The following ITSN2 variants were observed in gnomAD, a reference collection of about 807,000 sequenced individuals.
ITSN2 encodes the protein intersectin 2.
A neutral mutation model predicts 243.7 loss-of-function variants in ITSN2; 156 were observed. The ratio of observed to expected loss-of-function variants is 0.64; its 90% CI spans 0.56 to 0.73. The LOEUF (loss-of-function observed/expected upper bound fraction) is 0.73. ITSN2 is among the 30% of genes least tolerant of loss of function. The pLI is 0.00. For synonymous variants in ITSN2, 703 were observed against 699.9 expected (o/e 1.00, Z -0.07); for missense variants, 1,801 against 1,996.1 (o/e 0.90, Z 1.86).
intron 20 of ITSN2, among the ~76,000 whole-genome samples, chr2:24,262,603 C>T (rs1449026325): frequency 6.6e-6 from 1 of 152,196 alleles, no homozygotes; most frequent in Non-Finnish European, 1.5e-5. Context: ...CAAGTTTCAT[C>T]ACTGGCTTTC....
At position 24,356,230 on chromosome 2, in the gene ITSN2, T is replaced by G. The variant is rs57910270; in HGVS notation, c.-34+4074A>C. Among the ~76,000 whole-genome samples the G allele has an allele frequency of 2.5e-3, 359 of 142,798 alleles. 9 individuals carry two copies. In the East Asian group the frequency reaches 0.056, roughly 22 times the overall value. 93.7% of individuals were successfully genotyped at this position (142,798 alleles called of 152,430 possible). ...AAAAAAAAAAAATAGCTGGACGTGG[T>G]GGCACATGCCTATAATCCCAGCTAC... is the stretch of plus-strand genomic sequence containing the variant. On this transcript the variant is annotated intron_variant, in intron 1 of 39. Coordinates refer to ENST00000355123, the MANE Select transcript of ITSN2 (RefSeq NM_006277.3).
At chr2:24,278,318 T>A (rs1678285159) in intron 17 of ITSN2, among the ~76,000 whole-genome samples, 1 of 152,196 alleles carries the variant, frequency 6.6e-6, no homozygotes, top group Admixed American at 6.5e-5. Flanking sequence ...GATTGCCTCC[T>A]CCACTGAAGT....
chr2:24,270,812 C>T (rs1203292480), intron 19 of ITSN2, 44 bp from the exon 20 acceptor site: 1 of 1,022,374 alleles, frequency 9.8e-7, no homozygotes, highest in Non-Finnish European at 1.5e-6. Flanking sequence ...TACATGTATA[C>T]ATCTTTGCTA....
At chr2:24,254,772 G>A (rs1674800186) in intron 23 of ITSN2, among the ~76,000 whole-genome samples, 1 of 151,850 alleles carries the variant, frequency 6.6e-6, no homozygotes, top group African/African-American at 2.4e-5. Context: ...TTTAGTGTAG[G>A]AAAAAATAAA....
At chr2:24,220,789 G>A in intron 30 of ITSN2, 156 bp downstream of exon 30, 1 of 1,425,310 alleles carries the variant, frequency 7.0e-7, no homozygotes, top group East Asian at 2.7e-5. Flanking sequence ...ACAGCATTTG[G>A]AGGATGTGAG....
intron 1 of ITSN2, among the ~76,000 whole-genome samples, chr2:24,330,070 C>T (rs1403788215): frequency 1.3e-5 from 2 of 152,144 alleles, no homozygotes; most frequent in Non-Finnish European, 2.9e-5. Context: ...CATTTTAAAA[C>T]ATGGGAGAAA....
intron 20 of ITSN2, among the ~76,000 whole-genome samples, chr2:24,262,351 C>A (rs1159714481): frequency 6.6e-6 from 1 of 152,120 alleles, no homozygotes; most frequent in Non-Finnish European, 1.5e-5. Context: ...CTCCTATAAT[C>A]ATTACTTTTT....
intron 22 of ITSN2, among the ~76,000 whole-genome samples, chr2:24,259,824 CT>C (rs1181528463): frequency 1.3e-5 from 2 of 152,096 alleles, no homozygotes; most frequent in Non-Finnish European, 2.9e-5. Flanking sequence ...CCCTACAGAC[CT>C]TGTAGATATC....
intron 24 of ITSN2, 69 bp downstream of exon 24, chr2:24,254,298 T>C (rs147997132): frequency 5.0e-6 from 5 of 996,824 alleles, no homozygotes; most frequent in East Asian, 4.8e-5. Context: ...ACAGCAACTA[T>C]GTGAAGTCAG....
Position 24,252,459 on chromosome 2 carries a change from G to A in ITSN2, c.3006C>T (p.Phe1002=). Residue 1002 remains phenylalanine, a synonymous_variant, in exon 25 of 40, where the codon TTC becomes TTT. Transcript: ENST00000355123. ...TCACCAATATTTCTTCACCTTCTGT[G>A]AAAGTCAAATCTCCAGGTTCCACAC... ...YSSVEPGDLT[F]TEGEEILVTQ... The A allele has an allele frequency of 6.2e-7, 1 of 1,612,628 alleles. No individual in the cohort carries two copies. Among genetic ancestry groups the A allele is most frequent in the Non-Finnish European group, 8.5e-7 (1 of 1,178,870 alleles).
intron 17 of ITSN2, among the ~76,000 whole-genome samples, chr2:24,282,588 C>T (rs778701698): frequency 2.6e-5 from 4 of 152,144 alleles, no homozygotes; most frequent in African/African-American, 4.8e-5. Context: ...ACTAAAAGAG[C>T]ACTCTGTAAC....
Position 24,257,752 on chromosome 2 carries a change from C to T in ITSN2, c.2888+136G>A, listed in dbSNP as rs757191185. 34 of 723,574 alleles carry T rather than the reference C, an allele frequency of 4.7e-5. No individual in the cohort carries two copies. In the Middle Eastern group the frequency reaches 1.1e-3, roughly 24 times the overall value. The allele number at this position is 723,574 out of a possible 1,614,324, so 44.8% of individuals were successfully genotyped here. A position where few individuals can be genotyped will look rare whatever the true frequency, so the allele number is the denominator to read the frequency against. ...GATTACAGGTGTGAGCCACCACGGC[C>T]GGCCAGAATTACCTTTCTGATATTC... On this transcript the variant is annotated intron_variant, in intron 23 of 39. Coordinates refer to ENST00000355123, the MANE Select transcript of ITSN2 (RefSeq NM_006277.3).
chr2:24,301,909 A>G, intron 10 of ITSN2, 56 bp downstream of exon 10: 1 of 1,504,764 alleles, frequency 6.6e-7, no homozygotes, highest in Non-Finnish European at 9.0e-7. Flanking sequence ...ACTCTCTTCT[A>G]AATCACATCT....
intron 2 of ITSN2, among the ~76,000 whole-genome samples, chr2:24,316,982 A>T (rs1382207278): frequency 6.6e-6 from 1 of 152,242 alleles, no homozygotes; most frequent in Non-Finnish European, 1.5e-5. Flanking sequence ...GTCAACTTGA[A>T]TTCCACAAGG....
At chr2:24,343,418 T>C (rs967589641) in intron 1 of ITSN2, among the ~76,000 whole-genome samples, 3 of 152,114 alleles carry the variant, frequency 2.0e-5, no homozygotes, top group Admixed American at 2.0e-4. Context: ...GAATAAGTAA[T>C]CTTCTATTTT....
At chr2:24,212,590 T>G (rs1377446955) in intron 33 of ITSN2, 60 bp downstream of exon 33, 1 of 1,348,514 alleles carries the variant, frequency 7.4e-7, no homozygotes, top group Non-Finnish European at 1.0e-6. Flanking sequence ...ATCTGGCCTC[T>G]GTGGACCTCA....
intron 8 of ITSN2, among the ~76,000 whole-genome samples, chr2:24,305,331 G>A (rs1441329399): frequency 2.0e-5 from 3 of 152,144 alleles, no homozygotes; most frequent in Non-Finnish European, 4.4e-5. Context: ...GACAGGCGCG[G>A]TAGCTCACGT....
chr2:24,301,107 T>A, intron 11 of ITSN2, 47 bp downstream of exon 11: 1 of 1,012,582 alleles, frequency 9.9e-7, no homozygotes, highest in Non-Finnish European at 1.5e-6. Flanking sequence ...AAAGGTAGAA[T>A]TTAAAAGAAC....
Position 24,310,405 on chromosome 2 carries a change from T to C in ITSN2, c.557-25A>G, listed in dbSNP as rs140888598. The C allele has an allele frequency of 4.5e-5, 72 of 1,609,208 alleles. No homozygotes were observed. The Admixed American group carries it at 1.2e-3, about 26-fold the overall frequency. On this transcript the variant is annotated intron_variant, in intron 6 of 39. Coordinates refer to ENST00000355123, the MANE Select transcript of ITSN2 (RefSeq NM_006277.3). ...GCTAAAAAAGAAAAAGAAGGAAAAGTATGAAAGAAATTTGTATCTGTTCAA... is the reference window on the plus strand; with the variant it reads ...GCTAAAAAAGAAAAAGAAGGAAAAGCATGAAAGAAATTTGTATCTGTTCAA...
Sources: allele counts gnomAD v4.1 joint callset (sites outside exome capture counted in the v4.1 genomes callset), GRCh38; gene constraint gnomAD v4.1.1; transcripts MANE v1.5; gene names NCBI Gene and HGNC (gene_info 2026-07-23, HGNC 2026-07-21).